The following MUC7 variants were observed in gnomAD, a reference collection of about 807,000 sequenced individuals.
MUC7 encodes mucin-7.
In MUC7, 2 loss-of-function variants were observed where a neutral mutation model predicts 2.5. That is an observed-to-expected ratio of 0.81 (90% CI 0.33 to 2.55). The LOEUF (loss-of-function observed/expected upper bound fraction) is 2.55. Ranked by LOEUF, MUC7 falls within the 30% of genes most tolerant of loss-of-function variation. The pLI is 0.11. For missense variants in MUC7, 408 were observed against 455.6 expected, an observed-to-expected ratio of 0.90 and a Z score of 0.95; for synonymous variants, 133 against 173.4, an observed-to-expected ratio of 0.77 and a Z score of 1.83.
chr4:70,470,918 C>T (rs1734818587), upstream of MUC7, among the ~76,000 whole-genome samples: 2 of 152,300 alleles, frequency 1.3e-5, no homozygotes, highest in South Asian at 4.1e-4. Context: ...AACTTATCTA[C>T]TTTCAGTCTG....
intron 1 of MUC7, among the ~76,000 whole-genome samples, chr4:70,449,105 T>TA (rs1165608807): frequency 9.9e-5 from 15 of 152,202 alleles, no homozygotes; most frequent in Non-Finnish European, 5.9e-5. Context: ...GGTATCAGGG[T>TA]AATACTGACC....
At chr4:70,464,803 G>C (rs1734641523) in intron 1 of MUC7, among the ~76,000 whole-genome samples, 1 of 152,182 alleles carries the variant, frequency 6.6e-6, no homozygotes, top group Non-Finnish European at 1.5e-5. Context: ...CTGGGGAAAG[G>C]GGAGGTAATG....
chr4:70,431,048 T>C (rs1314475893), intron 1 of MUC7, among the ~76,000 whole-genome samples: 1 of 152,136 alleles, frequency 6.6e-6, no homozygotes, highest in Non-Finnish European at 1.5e-5. Flanking sequence ...GGGAGCTGTA[T>C]GCTACTTTTC....
At chr4:70,447,496 T>C (rs1236664347) in intron 1 of MUC7, among the ~76,000 whole-genome samples, 6 of 152,214 alleles carry the variant, frequency 3.9e-5, no homozygotes, top group African/African-American at 1.2e-4. Context: ...CAATCAAGTA[T>C]TCTTAATTCA....
In MUC7 at chr4:70,462,422, C is replaced by T. The variant is rs578230475; in HGVS notation, c.-92-9793C>T. Among the ~76,000 whole-genome samples, 4 of 152,214 alleles carry T rather than the reference C, an allele frequency of 2.6e-5. No homozygotes were observed. The South Asian group carries it at 8.3e-4, about 32-fold the overall frequency. ...AGTTCAATGATTCTGTTATGTTAAA[C>T]AAAATGAGTGCTCCCACAAATTGAC... is the stretch of plus-strand genomic sequence containing the variant. On this transcript the variant is annotated intron_variant, in intron 1 of 3. Transcript: ENST00000413702.
At chr4:70,459,094 AT>A (rs1734482269) in intron 1 of MUC7, among the ~76,000 whole-genome samples, 1 of 152,244 alleles carries the variant, frequency 6.6e-6, no homozygotes, top group African/African-American at 2.4e-5. Flanking sequence ...AAAATTTAAC[AT>A]GCATTTTCTC....
chr4:70,443,497 C>A (rs1734053534), intron 1 of MUC7, among the ~76,000 whole-genome samples: 1 of 152,094 alleles, frequency 6.6e-6, no homozygotes, highest in African/African-American at 2.4e-5. Context: ...AATCCAGTAC[C>A]AACAAGCAAC....
intron 1 of MUC7, among the ~76,000 whole-genome samples, chr4:70,449,464 G>A (rs1734225630): frequency 6.6e-6 from 1 of 152,178 alleles, no homozygotes; most frequent in Non-Finnish European, 1.5e-5. Context: ...CCATGATTCA[G>A]TTATCTCCCA....
rs141892637 is a variant in MUC7 at position 70,451,337 on chromosome 4, A to G, written c.-93+20650A>G. Among the ~76,000 whole-genome samples, 260 of 152,372 alleles carry G rather than the reference A, an allele frequency of 1.7e-3. 1 individual carries two copies. Among genetic ancestry groups the G allele is most frequent in the Non-Finnish European group, 3.0e-3 (202 of 68,036 alleles). On this transcript the variant is annotated intron_variant, in intron 1 of 3. Transcript: ENST00000413702. ...GCCAGGGCTAGGGCAGGTGTGGCACAGACAATTCATTACTGTTTTCTCTAA... is the reference window on the plus strand; with the variant it reads ...GCCAGGGCTAGGGCAGGTGTGGCACGGACAATTCATTACTGTTTTCTCTAA...
chr4:70,477,000 C>T (rs944919239), intron 2 of MUC7, among the ~76,000 whole-genome samples: 1 of 152,148 alleles, frequency 6.6e-6, no homozygotes, highest in Non-Finnish European at 1.5e-5. Context: ...TCAACTATAG[C>T]ATTATTTAGC....
intron 1 of MUC7, among the ~76,000 whole-genome samples, chr4:70,454,363 C>T (rs570473245): frequency 2.0e-5 from 3 of 152,324 alleles, no homozygotes; most frequent in Admixed American, 6.5e-5. Context: ...GAGCTGGTCT[C>T]ATTTTCCTTC....
Position 70,481,072 on chromosome 4 carries a change from C to G in MUC7, c.328C>G (p.Gln110Glu), listed in dbSNP as rs1735154703. ...VVNPTLVATT[Q>E]IPSVTFPSAS... is the part of the protein sequence containing the mutation. Reference sequence around the variant, plus strand: ...CAACCCTACCTTAGTGGCTACAACCCAAATTCCATCTGTGACTTTCCCATC... The same window carrying G: ...CAACCCTACCTTAGTGGCTACAACCGAAATTCCATCTGTGACTTTCCCATC... The change falls in exon 3 of 3, where the codon CAA (glutamine) becomes GAA (glutamate). Residue 110 changes from glutamine to glutamate, a missense_variant. Gln to Glu is a conservative substitution (Grantham distance 29). This residue lies in a region of MUC7 where 225 missense variants were observed against 240.5 expected (regional missense o/e 0.94). Coordinates refer to ENST00000304887, the MANE Select transcript of MUC7 (RefSeq NM_152291.3). The G allele has an allele frequency of 1.2e-5, 20 of 1,614,108 alleles. No homozygotes were observed. Among genetic ancestry groups the G allele is most frequent in the Non-Finnish European group, 1.7e-5 (20 of 1,180,014 alleles).
intron 1 of MUC7, among the ~76,000 whole-genome samples, chr4:70,436,570 A>T (rs1049623896): frequency 2.0e-5 from 3 of 151,810 alleles, no homozygotes; most frequent in Non-Finnish European, 2.9e-5. Flanking sequence ...TCTTCTCTAC[A>T]CTTGTTATTC....
At chr4:70,433,085 C>G (rs1489948366) in intron 1 of MUC7, among the ~76,000 whole-genome samples, 1 of 152,124 alleles carries the variant, frequency 6.6e-6, no homozygotes, top group Admixed American at 6.6e-5. Context: ...TTCCATTGGT[C>G]TATATATCTG....
At chr4:70,452,381 A>G (rs1011392284) in intron 1 of MUC7, among the ~76,000 whole-genome samples, 6 of 152,044 alleles carry the variant, frequency 3.9e-5, no homozygotes, top group African/African-American at 9.7e-5. Flanking sequence ...CACTGGTGGT[A>G]TGTTTTCATT....
intron 1 of MUC7, among the ~76,000 whole-genome samples, chr4:70,434,725 T>C (rs1458520583): frequency 1.3e-5 from 2 of 152,008 alleles, no homozygotes; most frequent in African/African-American, 4.8e-5. Flanking sequence ...GTTCTGATCT[T>C]AATAATTTCT....
chr4:70,473,360 C>T (rs944894007), intron 1 of MUC7, among the ~76,000 whole-genome samples: 7 of 151,756 alleles, frequency 4.6e-5, no homozygotes, highest in African/African-American at 1.7e-4. Flanking sequence ...GAGAGGATCG[C>T]TTGAGTCTGG....
intron 1 of MUC7, among the ~76,000 whole-genome samples, chr4:70,453,304 G>A (rs1343293486): frequency 6.6e-6 from 1 of 152,244 alleles, no homozygotes; most frequent in Non-Finnish European, 1.5e-5. Context: ...TCTACCTGCT[G>A]TTCTAGTGTA....
chr4:70,441,483 G>A (rs1488415547), intron 1 of MUC7, among the ~76,000 whole-genome samples: 2 of 152,154 alleles, frequency 1.3e-5, no homozygotes, highest in Non-Finnish European at 2.9e-5. Flanking sequence ...ATCAATGGGT[G>A]AAGAAAGATT....
Sources: gnomAD v4.1 joint callset for allele counts (sites outside exome capture counted in the v4.1 genomes callset) on GRCh38, gnomAD v4.1.1 for gene constraint, gnomAD v4.1.1 regional missense constraint, MANE v1.5 for transcripts, NCBI Gene and HGNC (gene_info 2026-07-23, HGNC 2026-07-21) for gene names.